The following PDE10A variants were observed in gnomAD, a reference collection of about 807,000 sequenced individuals.
PDE10A encodes cAMP and cAMP-inhibited cGMP 3',5'-cyclic phosphodiesterase 10A.
A neutral mutation model predicts 97.7 loss-of-function variants in PDE10A; 39 were observed. That is an observed-to-expected ratio of 0.40 (90% CI 0.31 to 0.52). PDE10A has a LOEUF of 0.52. Ranked by LOEUF, PDE10A falls within the 20% of genes least tolerant of loss-of-function variation. The pLI is 0.56. For missense variants in PDE10A, 731 were observed against 1,047.8 expected, an observed-to-expected ratio of 0.70 and a Z score of 4.17; for synonymous variants, 371 against 376.8, an observed-to-expected ratio of 0.98 and a Z score of 0.18.
chr6:165,449,196 G>T (rs182310979), intron 4 of PDE10A, among the ~76,000 whole-genome samples: 1 of 152,132 alleles, frequency 6.6e-6, no homozygotes, highest in Admixed American at 6.5e-5. Flanking sequence ...AATTTAAGAC[G>T]ATATGCTCAA....
chr6:165,904,128 T>C (rs1392555622), intron 1 of PDE10A, among the ~76,000 whole-genome samples: 1 of 152,034 alleles, frequency 6.6e-6, no homozygotes, highest in African/African-American at 2.4e-5. Flanking sequence ...ATGAAAGATA[T>C]GAGAGAATTT....
At chr6:165,613,981 A>C (rs1787612575) in intron 1 of PDE10A, among the ~76,000 whole-genome samples, 2 of 151,870 alleles carry the variant, frequency 1.3e-5, no homozygotes, top group African/African-American at 2.4e-5. Flanking sequence ...ACCTGCCCAC[A>C]CCCAAAACTG....
intron 18 of PDE10A, among the ~76,000 whole-genome samples, chr6:165,350,855 T>C (rs1049107207): frequency 6.6e-6 from 1 of 152,166 alleles, no homozygotes; most frequent in African/African-American, 2.4e-5. Flanking sequence ...AAGAAGGACG[T>C]GTTTGCTTCC....
intron 13 of PDE10A, among the ~76,000 whole-genome samples, chr6:165,406,227 G>GGTGT (rs1562431357): frequency 1.3e-4 from 4 of 30,454 alleles, no homozygotes; most frequent in Admixed American, 4.5e-4. Flanking sequence ...GAGGGAAAAG[G>GGTGT]ATGTGTGTGT....
intron 1 of PDE10A, among the ~76,000 whole-genome samples, chr6:165,727,440 AAAGAC>A (rs1273020446): frequency 4.6e-5 from 7 of 152,210 alleles, no homozygotes; most frequent in African/African-American, 1.7e-4. Flanking sequence ...GGGCTTTTCA[AAAGAC>A]AAGGCTAGAT....
At chr6:165,430,625 C>A (rs1333336318) in intron 8 of PDE10A, among the ~76,000 whole-genome samples, 1 of 135,390 alleles carries the variant, frequency 7.4e-6, no homozygotes, top group Non-Finnish European at 1.7e-5. Context: ...AAGAACCTTA[C>A]TGAGGCTTCA....
At chr6:165,725,676 T>C (rs940254782) in intron 1 of PDE10A, among the ~76,000 whole-genome samples, 7 of 152,072 alleles carry the variant, frequency 4.6e-5, no homozygotes, top group African/African-American at 1.4e-4. Flanking sequence ...TTTTGCCTTA[T>C]GTACTTACGA....
intron 1 of PDE10A, among the ~76,000 whole-genome samples, chr6:165,649,218 T>A (rs940342737): frequency 1.3e-5 from 2 of 152,064 alleles, no homozygotes; most frequent in Non-Finnish European, 2.9e-5. Context: ...TAAAATCCAG[T>A]AACTTGGAAG....
intron 1 of PDE10A, among the ~76,000 whole-genome samples, chr6:165,799,452 A>G (rs1341979488): frequency 2.0e-5 from 2 of 100,682 alleles, no homozygotes; most frequent in Non-Finnish European, 4.6e-5. Context: ...AGCAAGTAAC[A>G]ATAAAGTTCT....
rs1390473370 is a variant in PDE10A, at chr6:165,418,319, C to G, written c.1796+316G>C. On this transcript the variant is annotated intron_variant, in intron 11 of 21. Coordinates refer to ENST00000539869, the MANE Select transcript of PDE10A (RefSeq NM_001385079.1). The surrounding 1 kb of genome is among the most constrained non-coding windows in gnomAD (Gnocchi z 4.8). ...CCTTTTCTCTTGGACATGGGAAAAC[C>G]TGCAGATTCCAGGTGGAGTGTACCT... Among the ~76,000 whole-genome samples, 8 of 152,160 alleles carry G rather than the reference C, an allele frequency of 5.3e-5. No homozygotes were observed. The highest frequency in any genetic ancestry group is 1.5e-5 in the Non-Finnish European group (1 of 68,014).
At chr6:165,743,625 C>T (rs115335058) in intron 1 of PDE10A, among the ~76,000 whole-genome samples, 78 of 152,308 alleles carry the variant, frequency 5.1e-4, no homozygotes, top group African/African-American at 1.8e-3. Flanking sequence ...CAAAGACATA[C>T]ACACAGCAGA....
chr6:165,909,065 C>T (rs899953368), intron 1 of PDE10A: 3 of 152,038 alleles, frequency 2.0e-5, no homozygotes, highest in African/African-American at 7.2e-5. Context: ...AGGTGCTTCT[C>T]TGTAGAAAGC....
At chr6:165,676,200 T>C (rs1229001366) in intron 1 of PDE10A, among the ~76,000 whole-genome samples, 3 of 151,606 alleles carry the variant, frequency 2.0e-5, no homozygotes, top group African/African-American at 7.3e-5. Context: ...ATGTACAGAG[T>C]GGAATCACAG....
chr6:165,585,097 A>G (rs560900192), intron 1 of PDE10A, among the ~76,000 whole-genome samples: 4 of 152,258 alleles, frequency 2.6e-5, no homozygotes, highest in African/African-American at 7.2e-5. Context: ...ACTTTACATC[A>G]TGGTATTTAA....
chr6:165,708,099 C>A (rs1791764605), intron 1 of PDE10A, among the ~76,000 whole-genome samples: 1 of 152,214 alleles, frequency 6.6e-6, no homozygotes, highest in Admixed American at 6.5e-5. Context: ...TCTGGAAGAA[C>A]TGTCTGCACG....
At chr6:165,367,196 C>T (rs1356280352) in intron 18 of PDE10A, among the ~76,000 whole-genome samples, 1 of 151,208 alleles carries the variant, frequency 6.6e-6, no homozygotes, top group Non-Finnish European at 1.5e-5. Flanking sequence ...AAAAGGAAAT[C>T]CCAGAACTTG....
intron 1 of PDE10A, among the ~76,000 whole-genome samples, chr6:165,843,745 T>C (rs1780325661): frequency 6.6e-6 from 1 of 152,160 alleles, no homozygotes; most frequent in Non-Finnish European, 1.5e-5. Flanking sequence ...AGGGGAATGT[T>C]GGCGCGACAG....
chr6:165,949,208 T>TGA (rs1327280071), intron 1 of PDE10A: 1 of 152,248 alleles, frequency 6.6e-6, no homozygotes, highest in Non-Finnish European at 1.5e-5. Context: ...GATTAAGCCA[T>TGA]ATTGGTCACG....
At chr6:165,452,348 A>G (rs925953230) in intron 3 of PDE10A, among the ~76,000 whole-genome samples, 12 of 152,238 alleles carry the variant, frequency 7.9e-5, no homozygotes, top group Non-Finnish European at 1.5e-5. Context: ...CTGCTTGATC[A>G]CAACTGCTAT....
Sources: allele counts gnomAD v4.1 joint callset (sites outside exome capture counted in the v4.1 genomes callset), GRCh38; gene constraint gnomAD v4.1.1; non-coding constraint Gnocchi (gnomAD v3.1); transcripts MANE v1.5; gene names NCBI Gene and HGNC (gene_info 2026-07-23, HGNC 2026-07-21).